Variants in MTCH1 observed in about 807,000 individuals in gnomAD.
The protein encoded by MTCH1 is mitochondrial carrier homolog 1.
In MTCH1, 23 loss-of-function variants were observed where a neutral mutation model predicts 49.3. The observed-to-expected ratio is 0.47, with a 90% CI of 0.34 to 0.66. The LOEUF (loss-of-function observed/expected upper bound fraction) is 0.66, where lower values mean the gene tolerates loss of function less well. Among genes scored for constraint, MTCH1 ranks in the 30% least tolerant of loss-of-function variants. The probability of loss-of-function intolerance (pLI) is 0.01; values close to 1 mark genes in which losing one functional copy is unlikely to be tolerated. For synonymous variants in MTCH1, 229 were observed against 215.2 expected (o/e 1.06, Z -0.56); for missense variants, 397 against 532.1 (o/e 0.75, Z 2.50).
chr6:36,977,705 T>A lies in MTCH1; in HGVS notation c.592-14A>T. The stretch of plus-strand genomic sequence containing the variant: ...CTCGTAGGAGGTCTGGAAGAGAGCA[T>A]GGGGTGGGGACTCGCCACCCTCGGC... On this transcript the variant is annotated splice_polypyrimidine_tract_variant and intron_variant, in intron 4 of 11. Coordinates refer to ENST00000373627, the MANE Select transcript of MTCH1 (RefSeq NM_001271641.2). The surrounding 1 kb of genome is among the most constrained non-coding windows in gnomAD (Gnocchi z 5.4). 6.2e-7 allele frequency: 1 copy of A among 1,603,100 alleles called. No individual in the cohort carries two copies. The highest frequency in any genetic ancestry group is 1.1e-5 in the South Asian group (1 of 89,084).
Position 36,968,638 on chromosome 6 carries a change from A to G in MTCH1, c.*265T>C. On this transcript the variant is annotated 3_prime_UTR_variant, in exon 12 of 12. Coordinates refer to ENST00000373627, the MANE Select transcript of MTCH1 (RefSeq NM_001271641.2). Reference sequence around the variant, plus strand: ...CCCTCTGCACAAGACAGACTCAGCAAATCTGCGAGGTATGGGGATTCTGCC... The same window carrying G: ...CCCTCTGCACAAGACAGACTCAGCAGATCTGCGAGGTATGGGGATTCTGCC... 1 of 534,454 alleles carries G rather than the reference A, an allele frequency of 1.9e-6. No homozygotes were observed. Among genetic ancestry groups the G allele is most frequent in the Non-Finnish European group, 3.6e-6 (1 of 274,900 alleles). 33.1% of individuals were successfully genotyped at this position (534,454 alleles called of 1,614,324 possible).
chr6:36,985,970 C>T lies in MTCH1; in HGVS notation c.204G>A (p.Gly68=). ...TGTCCCCAGACCCCAGGCCCCCTGACCCGCCATCCATCCTGCGGGCCGAGG... is the reference window on the plus strand; with the variant it reads ...TGTCCCCAGACCCCAGGCCCCCTGATCCGCCATCCATCCTGCGGGCCGAGG... The part of the protein sequence containing the change: ...AQPSARRMDG[G]SGGLGSGDNA... The change falls in exon 1 of 12, where the codon GGG becomes GGA. Residue 68 remains glycine (G), a synonymous_variant. Transcript: ENST00000373627. 1.3e-6 allele frequency: 2 copies of T among 1,548,470 alleles called. No individual in the cohort carries two copies. The highest frequency in any genetic ancestry group is 1.7e-6 in the Non-Finnish European group (2 of 1,146,676).
intron 1 of MTCH1, 83 bp from the exon 2 acceptor site, chr6:36,981,755 C>A: frequency 4.5e-6 from 5 of 1,112,844 alleles, no homozygotes; most frequent in Non-Finnish European, 6.3e-6. Flanking sequence ...CTCTTGCCCC[C>A]TTTGCTTAAC....
chr6:36,969,265 G>A, intron 11 of MTCH1: 1 of 985,438 alleles, frequency 1.0e-6, no homozygotes, highest in South Asian at 4.7e-5. Flanking sequence ...GACTCTTTCA[G>A]TGCTCATAGG....
At position 36,970,768 on chromosome 6, in the gene MTCH1, C is replaced by T. The variant is rs921752601; in HGVS notation, c.907-74G>A. 23 of 1,484,826 alleles carry T rather than the reference C, an allele frequency of 1.5e-5. No individual in the cohort carries two copies. The East Asian group carries it at 1.7e-4, about 11-fold the overall frequency. 92.0% of individuals were successfully genotyped at this position (1,484,826 alleles called of 1,614,324 possible). A position where few individuals can be genotyped will look rare whatever the true frequency, so the allele number is the denominator to read the frequency against. On this transcript the variant is annotated intron_variant, in intron 8 of 11. Coordinates refer to ENST00000373627, the MANE Select transcript of MTCH1 (RefSeq NM_001271641.2). The stretch of plus-strand genomic sequence containing the variant: ...CAGACTTCAGCAACACATGCCCTCA[C>T]CCCACCCTCTGTGCTGAGCTCCTCA...
rs2150743445 is a variant in MTCH1 at position 36,968,918 on chromosome 6, G to A, written c.1155C>T (p.Cys385=). The change falls in exon 12 of 12, where the codon TGC becomes TGT. Residue 385 remains cysteine (C), a synonymous_variant. Coordinates refer to ENST00000373627, the MANE Select transcript of MTCH1 (RefSeq NM_001271641.2). ...LLFRRVSSGS[C]FALE The stretch of plus-strand genomic sequence containing the variant: ...ATGATTCAGGTTACTCCAGGGCAAA[G>A]CATGATCCTGATGACACCCGGCGGA... 1 of 1,614,120 alleles carries A rather than the reference G, an allele frequency of 6.2e-7. No homozygotes were observed. The highest frequency in any genetic ancestry group is 2.2e-5 in the East Asian group (1 of 44,884).
In MTCH1 at chr6:36,975,684, T is replaced by C; in HGVS notation, c.735A>G (p.Lys245=). The C allele has an allele frequency of 6.2e-7, 1 of 1,614,062 alleles. No homozygotes were observed. Among genetic ancestry groups the C allele is most frequent in the Non-Finnish European group, 8.5e-7 (1 of 1,179,976 alleles). ...CGAAGAATCCCAGCAGCCCTTCCTCTTTGAAAATCTTCCCAATGGAGCTCA... is the reference window on the plus strand; with the variant it reads ...CGAAGAATCCCAGCAGCCCTTCCTCCTTGAAAATCTTCCCAATGGAGCTCA... ...GVLSSIGKIF[K]EEGLLGFFVG... The change falls in exon 7 of 12, where the codon AAA becomes AAG. Residue 245 remains lysine, a synonymous_variant. Coordinates refer to ENST00000373627, the MANE Select transcript of MTCH1 (RefSeq NM_001271641.2).
intron 1 of MTCH1, among the ~76,000 whole-genome samples, chr6:36,984,518 G>A (rs114178996): frequency 0.014 from 2,100 of 152,016 alleles, 49 homozygotes; most frequent in African/African-American, 0.046. Context: ...CATTCTCTCG[G>A]TTCAATTATA....
chr6:36,969,227 C>G (rs765342735), intron 11 of MTCH1: 15 of 985,310 alleles, frequency 1.5e-5, no homozygotes, highest in Non-Finnish European at 1.7e-5. Flanking sequence ...CTCATTGCCC[C>G]TCTTGCTTCA....
chr6:36,975,614 G>A, intron 7 of MTCH1, 44 bp downstream of exon 7: 2 of 1,586,492 alleles, frequency 1.3e-6, no homozygotes, highest in Non-Finnish European at 1.7e-6. Flanking sequence ...CCTGTTAGCA[G>A]AGCCATGCCC....
chr6:36,969,124 A>T, intron 11 of MTCH1, 150 bp from the exon 12 acceptor site: 1 of 1,434,548 alleles, frequency 7.0e-7, no homozygotes, highest in Non-Finnish European at 9.1e-7. Flanking sequence ...CCTGGAGGGC[A>T]GAATCTGCCT....
In MTCH1 at chr6:36,977,771, C is replaced by A. The variant is rs930739800; in HGVS notation, c.592-80G>T. On this transcript the variant is annotated intron_variant, in intron 4 of 11. Transcript: ENST00000373627. The surrounding 1 kb of genome is among the most constrained non-coding windows in gnomAD (Gnocchi z 5.4). Reference sequence around the variant, plus strand: ...GCCCTCGAGGGGAGCTACAAGTGCTCAGGAGGGAGAAACCTGTCCCAGGGA... The same window carrying A: ...GCCCTCGAGGGGAGCTACAAGTGCTAAGGAGGGAGAAACCTGTCCCAGGGA... 5.5e-5 allele frequency: 71 copies of A among 1,298,480 alleles called. No homozygotes were observed. The South Asian group carries it at 9.1e-4, about 17-fold the overall frequency. The allele number at this position is 1,298,480 out of a possible 1,614,324, so 80.4% of individuals were successfully genotyped here. A position where few individuals can be genotyped will look rare whatever the true frequency, so the allele number is the denominator to read the frequency against.
In MTCH1 at chr6:36,968,906, C is replaced by T. The variant is rs544314361; in HGVS notation, c.1167G>A (p.Glu389=). Residue 389 remains glutamate, a synonymous_variant, in exon 12 of 12, where the codon GAG becomes GAA. Transcript: ENST00000373627. ...CGTGTTTTTTAGATGATTCAGGTTACTCCAGGGCAAAGCATGATCCTGATG... is the reference window on the plus strand; with the variant it reads ...CGTGTTTTTTAGATGATTCAGGTTATTCCAGGGCAAAGCATGATCCTGATG... ...RVSSGSCFAL[E] 7 of 1,614,078 alleles carry T rather than the reference C, an allele frequency of 4.3e-6. No individual in the cohort carries two copies. In the South Asian group the frequency reaches 7.7e-5, roughly 18 times the overall value.
At chr6:36,970,326 A>G (rs908900620) in intron 10 of MTCH1, 80 bp downstream of exon 10, 3 of 1,561,344 alleles carry the variant, frequency 1.9e-6, no homozygotes, top group East Asian at 4.5e-5. Flanking sequence ...GAGGGGGCAG[A>G]GTGCTGGAAG....
At chr6:36,984,146 C>G (rs1583269772) in intron 1 of MTCH1, among the ~76,000 whole-genome samples, 1 of 152,132 alleles carries the variant, frequency 6.6e-6, no homozygotes, top group South Asian at 2.1e-4. Flanking sequence ...CACCTGTGCC[C>G]TAAAATCCTA....
intron 6 of MTCH1, chr6:36,976,652 C>G (rs1763889444): frequency 2.2e-6 from 1 of 461,472 alleles, no homozygotes; most frequent in African/African-American, 2.0e-5. Flanking sequence ...GAAGGGCAAC[C>G]CAGGTGTGTC....
At chr6:36,973,757 G>A (rs1006380385) in intron 7 of MTCH1, among the ~76,000 whole-genome samples, 2 of 152,196 alleles carry the variant, frequency 1.3e-5, no homozygotes, top group Non-Finnish European at 2.9e-5. Context: ...AGAGAACTAC[G>A]CAGTGTGAAA....
Position 36,968,957 on chromosome 6 carries a change from G to A in MTCH1, c.1116C>T (p.Gly372=). The change falls in exon 12 of 12, where the codon GGC becomes GGT. Residue 372 remains glycine (G), a synonymous_variant. Coordinates refer to ENST00000373627, the MANE Select transcript of MTCH1 (RefSeq NM_001271641.2). ...YLSVQGQLFR[G]SSLLFRRVSS... ...ACACCCGGCGGAAAAGCAGGCTGGA[G>A]CCTCGGAAGAGCTGGCCCTGGACCA... The A allele has an allele frequency of 6.2e-7, 1 of 1,614,140 alleles. No homozygotes were observed. Among genetic ancestry groups the A allele is most frequent in the Non-Finnish European group, 8.5e-7 (1 of 1,179,992 alleles).
At chr6:36,980,583 C>T (rs116681442) in intron 2 of MTCH1, among the ~76,000 whole-genome samples, 3,209 of 152,312 alleles carry the variant, frequency 0.021, 116 homozygotes, top group African/African-American at 0.072. Context: ...AGGGACAAAA[C>T]TGGAAGAGAA....
Sources: gnomAD v4.1 joint callset for allele counts (sites outside exome capture counted in the v4.1 genomes callset) on GRCh38, gnomAD v4.1.1 for gene constraint, Gnocchi (gnomAD v3.1) non-coding constraint, MANE v1.5 for transcripts, NCBI Gene and HGNC (gene_info 2026-07-23, HGNC 2026-07-21) for gene names.